The following DSCAM variants were observed in gnomAD, a reference collection of about 807,000 sequenced individuals.
The protein encoded by DSCAM is cell adhesion molecule DSCAM.
DSCAM carries 47 observed loss-of-function variants against 217.7 expected under a neutral mutation model. The ratio of observed to expected loss-of-function variants is 0.22; its 90% confidence interval spans 0.17 to 0.28. The LOEUF (loss-of-function observed/expected upper bound fraction) is 0.28, where lower values mean the gene tolerates loss of function less well. DSCAM is among the 10% of genes least tolerant of loss of function. DSCAM has a pLI of 1.00. For missense variants in DSCAM, 2,080 were observed against 2,618.3 expected, an observed-to-expected ratio of 0.79 and a Z score of 4.49; for synonymous variants, 1,056 against 1,015.3, an observed-to-expected ratio of 1.04 and a Z score of -0.76.
chr21:40,188,040 G>T, intron 12 of DSCAM, 53 bp from the exon 13 acceptor site: 1 of 1,419,668 alleles, frequency 7.0e-7, no homozygotes. Context: ...AAATGACTTT[G>T]AGCCGTAAAG....
chr21:40,620,273 A>G (rs57114842), intron 3 of DSCAM, among the ~76,000 whole-genome samples: 17 of 106,274 alleles, frequency 1.6e-4, no homozygotes, highest in East Asian at 1.2e-3. Flanking sequence ...AAAAGAAAGA[A>G]AGAGAGAAAG....
chr21:40,332,860 T>C lies in DSCAM; in HGVS notation c.1783+5241A>G, dbSNP rs151307204. 2.3e-4 allele frequency among the ~76,000 whole-genome samples: 35 copies of C among 152,306 alleles called. No homozygotes were observed. The East Asian group carries it at 6.5e-3, about 28-fold the overall frequency. ...CAAAATAAGCAAAGGGTTATGACTA[T>C]TGCCAGGAAAAGACATGATGAAAAA... On this transcript the variant is annotated intron_variant, in intron 8 of 32. Coordinates refer to ENST00000400454, the MANE Select transcript of DSCAM (RefSeq NM_001389.5).
chr21:40,381,090 T>C (rs1245721599), intron 3 of DSCAM, among the ~76,000 whole-genome samples: 1 of 95,984 alleles, frequency 1.0e-5, no homozygotes, highest in Non-Finnish European at 2.2e-5. Context: ...AAAAAGAAAA[T>C]AGAACTGATA....
intron 1 of DSCAM, among the ~76,000 whole-genome samples, chr21:40,709,431 G>T (rs1411995625): frequency 6.6e-6 from 1 of 152,162 alleles, no homozygotes; most frequent in Admixed American, 6.5e-5. Flanking sequence ...GTGGTGGTTT[G>T]CTGCACCCAT....
rs189288501 is a variant in DSCAM at position 40,790,015 on chromosome 21, A to G, written c.43+56604T>C. 4.2e-4 allele frequency among the ~76,000 whole-genome samples: 64 copies of G among 152,112 alleles called. No individual in the cohort carries two copies. The South Asian group carries it at 5.6e-3, about 13-fold the overall frequency. ...TTTAGCGGAAATAGGTCTTGTTTGT[A>G]TTTCCTAACTAGGGCTGAGTCTTCT... On this transcript the variant is annotated intron_variant, in intron 1 of 32. Coordinates refer to ENST00000400454, the MANE Select transcript of DSCAM (RefSeq NM_001389.5).
At chr21:40,223,068 G>A (rs1214261313) in intron 11 of DSCAM, among the ~76,000 whole-genome samples, 2 of 152,136 alleles carry the variant, frequency 1.3e-5, no homozygotes, top group Admixed American at 1.3e-4. Context: ...TCCCTTCTCA[G>A]GTGTGTCCGG....
intron 3 of DSCAM, among the ~76,000 whole-genome samples, chr21:40,621,643 T>C (rs914264568): frequency 6.6e-6 from 1 of 151,930 alleles, no homozygotes; most frequent in African/African-American, 2.4e-5. Context: ...TTTCAGGACA[T>C]GGTTCCACCA....
chr21:40,657,568 A>AG (rs1467937008), intron 3 of DSCAM, among the ~76,000 whole-genome samples: 1 of 152,224 alleles, frequency 6.6e-6, no homozygotes, highest in Non-Finnish European at 1.5e-5. Flanking sequence ...GCACAGACAC[A>AG]GGCGCAGCTA....
At chr21:40,790,675 C>G (rs772062533) in intron 1 of DSCAM, among the ~76,000 whole-genome samples, 2 of 152,100 alleles carry the variant, frequency 1.3e-5, no homozygotes, top group Non-Finnish European at 2.9e-5. Context: ...AGTGTGCATG[C>G]AAGCCTGAGA....
At chr21:40,206,606 T>C (rs1243722143) in intron 11 of DSCAM, among the ~76,000 whole-genome samples, 3 of 151,356 alleles carry the variant, frequency 2.0e-5, no homozygotes, top group African/African-American at 7.3e-5. Flanking sequence ...TCAAGTAAGT[T>C]AAAACTCTGC....
intron 3 of DSCAM, among the ~76,000 whole-genome samples, chr21:40,480,517 A>T (rs2077004650): frequency 1.3e-5 from 2 of 152,200 alleles, no homozygotes; most frequent in South Asian, 4.1e-4. Flanking sequence ...TTTTCTAGAA[A>T]CTTGAAACAT....
intron 32 of DSCAM, among the ~76,000 whole-genome samples, chr21:40,040,327 C>G (rs2088722091): frequency 6.6e-6 from 1 of 152,136 alleles, no homozygotes; most frequent in Admixed American, 6.5e-5. Context: ...ATATCATGAG[C>G]AAAGGTCAAA....
At chr21:40,027,164 G>C (rs2088406668) in intron 32 of DSCAM, among the ~76,000 whole-genome samples, 1 of 152,018 alleles carries the variant, frequency 6.6e-6, no homozygotes, top group African/African-American at 2.4e-5. Flanking sequence ...ATGAAATTCT[G>C]GGTTGAAAAT....
At chr21:40,643,335 C>A (rs2089905942) in intron 3 of DSCAM, among the ~76,000 whole-genome samples, 1 of 152,150 alleles carries the variant, frequency 6.6e-6, no homozygotes, top group African/African-American at 2.4e-5. Flanking sequence ...TACAAGTGAG[C>A]AACCTGTTTG....
intron 9 of DSCAM, among the ~76,000 whole-genome samples, chr21:40,309,707 T>G (rs1259172817): frequency 6.6e-6 from 1 of 152,214 alleles, no homozygotes; most frequent in African/African-American, 2.4e-5. Context: ...ATTTGCAACA[T>G]TCACTCCATA....
At chr21:40,683,375 T>A (rs1302895620) in intron 3 of DSCAM, among the ~76,000 whole-genome samples, 4 of 150,948 alleles carry the variant, frequency 2.6e-5, no homozygotes, top group Non-Finnish European at 5.9e-5. Flanking sequence ...TAAACTATTA[T>A]CTCAAACAGT....
intron 9 of DSCAM, among the ~76,000 whole-genome samples, chr21:40,303,171 G>A (rs1388586712): frequency 3.9e-5 from 6 of 152,208 alleles, no homozygotes; most frequent in East Asian, 3.9e-4. Flanking sequence ...TTTAATTTAC[G>A]ACACTGACAA....
intron 1 of DSCAM, among the ~76,000 whole-genome samples, chr21:40,764,331 A>T (rs2091365916): frequency 1.3e-5 from 1 of 74,492 alleles, no homozygotes; most frequent in Non-Finnish European, 4.0e-5. Flanking sequence ...GCCGCCAAAA[A>T]AAAAAAAAAA....
At chr21:40,534,530 T>A (rs897498213) in intron 3 of DSCAM, among the ~76,000 whole-genome samples, 3 of 152,178 alleles carry the variant, frequency 2.0e-5, no homozygotes, top group African/African-American at 7.2e-5. Context: ...CCCGCCTTGA[T>A]GTGGACCTGG....
Sources: allele counts gnomAD v4.1 joint callset (sites outside exome capture counted in the v4.1 genomes callset), GRCh38; gene constraint gnomAD v4.1.1; transcripts MANE v1.5; gene names NCBI Gene and HGNC (gene_info 2026-07-23, HGNC 2026-07-21).